Variants in PRKCQ observed in about 807,000 individuals in gnomAD.
PRKCQ encodes the protein protein kinase C theta type.
PRKCQ carries 41 observed loss-of-function variants against 91.2 expected under a neutral mutation model. That is an observed-to-expected ratio of 0.45 (90% CI 0.35 to 0.58). The LOEUF is 0.58. Ranked by LOEUF, PRKCQ falls within the 20% of genes least tolerant of loss-of-function variation. The pLI is 0.00. For missense variants in PRKCQ, 673 were observed against 896.5 expected, an observed-to-expected ratio of 0.75 and a Z score of 3.18; for synonymous variants, 307 against 316.9, an observed-to-expected ratio of 0.97 and a Z score of 0.33.
intron 1 of PRKCQ, among the ~76,000 whole-genome samples, chr10:6,519,704 A>C (rs1332339120): frequency 6.6e-6 from 1 of 152,150 alleles, no homozygotes; most frequent in Non-Finnish European, 1.5e-5. Context: ...TAAAGAGCCA[A>C]ATTTAGGATC....
chr10:6,518,082 A>T (rs1236549615), intron 1 of PRKCQ, among the ~76,000 whole-genome samples: 6 of 152,222 alleles, frequency 3.9e-5, no homozygotes, highest in Admixed American at 2.0e-4. Context: ...ATTTTGGGGA[A>T]AGACAGAACT....
rs191155361 is a variant in PRKCQ, at chr10:6,562,143, T to C, written c.-10+18068A>G. Among the ~76,000 whole-genome samples the C allele has an allele frequency of 2.6e-5, 4 of 152,068 alleles. No homozygotes were observed. The East Asian group carries it at 5.8e-4, about 22-fold the overall frequency. On this transcript the variant is annotated intron_variant, in intron 1 of 17. Coordinates refer to ENST00000263125, the MANE Select transcript of PRKCQ (RefSeq NM_006257.5). Reference sequence around the variant, plus strand: ...AGGGATTGAGGTGGACGCTCGTGGGTAAGGAAGAACGAAGGAGAAGCCCAC... The same window carrying C: ...AGGGATTGAGGTGGACGCTCGTGGGCAAGGAAGAACGAAGGAGAAGCCCAC...
intron 1 of PRKCQ, among the ~76,000 whole-genome samples, chr10:6,545,636 G>A (rs919570068): frequency 2.6e-5 from 4 of 152,130 alleles, no homozygotes. Flanking sequence ...CTCAGTTTGG[G>A]ATGATGAAAA....
At chr10:6,544,564 T>C (rs1266176635) in intron 1 of PRKCQ, among the ~76,000 whole-genome samples, 1 of 152,160 alleles carries the variant, frequency 6.6e-6, no homozygotes, top group Non-Finnish European at 1.5e-5. Flanking sequence ...AGAATCTGAA[T>C]TTGTGTGATG....
chr10:6,396,102 C>T, the PRKCQ span, among the ~76,000 whole-genome samples: 2 of 152,238 alleles, frequency 1.3e-5, no homozygotes, highest in Non-Finnish European at 2.9e-5. Flanking sequence ...GTCCTGGGAA[C>T]TTAGATGCTA....
intron 17 of PRKCQ, among the ~76,000 whole-genome samples, chr10:6,429,759 C>T (rs374897166): frequency 1.7e-4 from 26 of 150,142 alleles, no homozygotes; most frequent in African/African-American, 6.3e-4. Context: ...TTTTTGGAGA[C>T]AGTCTCTCGC....
chr10:6,397,884 C>T, the PRKCQ span, among the ~76,000 whole-genome samples: 1 of 152,062 alleles, frequency 6.6e-6, no homozygotes, highest in South Asian at 2.1e-4. Flanking sequence ...GAGATCGTGC[C>T]ATTGCACTCC....
chr10:6,520,275 G>A (rs1445530729), intron 1 of PRKCQ, among the ~76,000 whole-genome samples: 3 of 152,168 alleles, frequency 2.0e-5, no homozygotes, highest in South Asian at 2.1e-4. Context: ...GTGCCGCGAC[G>A]CCCGGCCCTC....
At chr10:6,496,730 G>A (rs1015806275) in intron 7 of PRKCQ, among the ~76,000 whole-genome samples, 22 of 151,320 alleles carry the variant, frequency 1.5e-4, no homozygotes, top group African/African-American at 4.4e-4. Flanking sequence ...ACTGGAGTGC[G>A]GTGGCATGGT....
chr10:6,481,545 G>T (rs940889340), intron 11 of PRKCQ, among the ~76,000 whole-genome samples: 4 of 152,198 alleles, frequency 2.6e-5, no homozygotes, highest in Admixed American at 2.6e-4. Flanking sequence ...TGAACAAAAA[G>T]AATTCCTGAA....
At chr10:6,562,880 G>T (rs1302111617) in intron 1 of PRKCQ, among the ~76,000 whole-genome samples, 1 of 152,116 alleles carries the variant, frequency 6.6e-6, no homozygotes, top group African/African-American at 2.4e-5. Flanking sequence ...GACAGAAAAA[G>T]CTCAGTCTAT....
chr10:6,408,929 C>G, the PRKCQ span, among the ~76,000 whole-genome samples: 2 of 152,206 alleles, frequency 1.3e-5, no homozygotes, highest in African/African-American at 4.8e-5. Flanking sequence ...TGTTCAGATT[C>G]AGTTTTACTA....
chr10:6,481,107 G>A (rs766411649), intron 11 of PRKCQ, among the ~76,000 whole-genome samples: 7 of 152,134 alleles, frequency 4.6e-5, no homozygotes, highest in African/African-American at 1.4e-4. Context: ...TCTCCTCTCC[G>A]TGTATAGGGA....
At chr10:6,456,331 C>G (rs1212444844) in intron 15 of PRKCQ, among the ~76,000 whole-genome samples, 1 of 152,166 alleles carries the variant, frequency 6.6e-6, no homozygotes, top group Non-Finnish European at 1.5e-5. Flanking sequence ...GGTCTTCTGA[C>G]CCCACAGTTT....
rs1190085994 is a variant in PRKCQ at position 6,486,111 on chromosome 10, G to T, written c.824C>A (p.Thr275Lys). 6.2e-7 allele frequency: 1 copy of T among 1,614,036 alleles called. No individual in the cohort carries two copies. Among genetic ancestry groups the T allele is most frequent in the Non-Finnish European group, 8.5e-7 (1 of 1,180,044 alleles). Residue 275 changes from threonine (T) to lysine (K), a missense_variant, in exon 9 of 18, where the codon ACA becomes AAA. Coordinates refer to ENST00000263125, the MANE Select transcript of PRKCQ (RefSeq NM_006257.5). ...CGMNVHHRCQ[T>K]KVANLCGINQ... ...TATGCCACAAAGGTTGGCCACCTTT[G>T]TCTGGCATCTATGATGCACATTCAT...
chr10:6,507,924 G>A (rs554201707), intron 3 of PRKCQ, among the ~76,000 whole-genome samples: 6 of 152,232 alleles, frequency 3.9e-5, no homozygotes, highest in East Asian at 1.9e-4. Context: ...CTTTGAGGCC[G>A]CCTCCAGGCC....
intron 12 of PRKCQ, 76 bp downstream of exon 12, chr10:6,478,916 T>A: frequency 5.9e-6 from 9 of 1,522,740 alleles, no homozygotes; most frequent in Non-Finnish European, 8.0e-6. Context: ...TCGTGTCTCC[T>A]AATGAGGGCG....
intron 1 of PRKCQ, among the ~76,000 whole-genome samples, chr10:6,563,684 T>C (rs1425297698): frequency 6.6e-6 from 1 of 152,140 alleles, no homozygotes; most frequent in African/African-American, 2.4e-5. Flanking sequence ...TTCTGGTCTT[T>C]TCCCTCCGAC....
At chr10:6,431,543 C>T (rs764026134) in intron 16 of PRKCQ, among the ~76,000 whole-genome samples, 30 of 152,202 alleles carry the variant, frequency 2.0e-4, no homozygotes, top group East Asian at 3.8e-4. Context: ...CATACACACA[C>T]GTACAGGAAC....
Sources: gnomAD v4.1 joint callset for allele counts (sites outside exome capture counted in the v4.1 genomes callset) on GRCh38, gnomAD v4.1.1 for gene constraint, MANE v1.5 for transcripts, NCBI Gene and HGNC (gene_info 2026-07-23, HGNC 2026-07-21) for gene names.